ANKRD45: variants seen among roughly 807,000 people sequenced by gnomAD.
ANKRD45 encodes ankyrin repeat domain 45, also known as ankyrin repeat domain-containing protein 45.
Under a neutral mutation model 28.1 loss-of-function variants are expected in ANKRD45, and 21 were observed. The ratio of observed to expected loss-of-function variants is 0.75; its 90% CI spans 0.53 to 1.08. The LOEUF (loss-of-function observed/expected upper bound fraction) is 1.08, where lower values mean the gene tolerates loss of function less well. ANKRD45 is among the 50% of genes least tolerant of loss of function. The pLI, the probability that ANKRD45 is intolerant of heterozygous loss-of-function variation, is 0.00. For missense variants in ANKRD45, 261 were observed against 308.7 expected (o/e 0.85, Z 1.16); for synonymous variants, 86 against 103.9 (o/e 0.83, Z 1.05).
chr1:173,688,682 CTGCCTCTTTCCTCTCTCTCTT>C, the ANKRD45 span, among the ~76,000 whole-genome samples: 1 of 138,110 alleles, frequency 7.2e-6, no homozygotes, highest in Non-Finnish European at 1.5e-5. Flanking sequence ...CTCTCTCTTT[CTGCCTCTTTCCTCTCTCTCTT>C]TCTGCCTCTT....
chr1:173,644,262 G>A (rs1668826401), intron 3 of ANKRD45, among the ~76,000 whole-genome samples: 1 of 152,176 alleles, frequency 6.6e-6, no homozygotes, highest in African/African-American at 2.4e-5. Context: ...TTAAATAGAT[G>A]TTAAATTTTA....
At chr1:173,640,207 C>T in intron 3 of ANKRD45, among the ~76,000 whole-genome samples, 1 of 152,014 alleles carries the variant, frequency 6.6e-6, no homozygotes, top group East Asian at 1.9e-4. Flanking sequence ...GGATCAGTTC[C>T]TGAGCAATTA....
intron 3 of ANKRD45, among the ~76,000 whole-genome samples, chr1:173,629,225 C>T (rs1000565928): frequency 3.3e-5 from 5 of 152,198 alleles, no homozygotes; most frequent in African/African-American, 1.2e-4. Flanking sequence ...AAATACCTAA[C>T]TCTTCAATGC....
chr1:173,646,975 A>G lies in ANKRD45; in HGVS notation c.367T>C (p.Leu123=), dbSNP rs1245364651. ...LLHCAAAWGR[L]ETLKALVELD... is the part of the protein sequence containing the mutation. ...TCTACCAGTGCTTTCAAAGTTTCCA[A>G]ACGACCCCAGGCTGCAGCACAATGT... Residue 123 remains leucine (L), a synonymous_variant, in exon 3 of 6, where the codon TTG becomes CTG. Transcript: ENST00000333279. 1 of 1,613,630 alleles carries G rather than the reference A, an allele frequency of 6.2e-7. No individual in the cohort carries two copies. The highest frequency in any genetic ancestry group is 1.7e-5 in the Admixed American group (1 of 59,986).
chr1:173,675,547 G>C, the ANKRD45 span: 1 of 154,452 alleles, frequency 6.5e-6, no homozygotes, highest in Non-Finnish European at 1.4e-5. Context: ...CCAGGGGGTA[G>C]AGGTTGCTGT....
At chr1:173,698,312 C>G in the ANKRD45 span, among the ~76,000 whole-genome samples, 1 of 152,148 alleles carries the variant, frequency 6.6e-6, no homozygotes, top group South Asian at 2.1e-4. Flanking sequence ...AGCTCTGCAC[C>G]AATCAGACCT....
the ANKRD45 span, among the ~76,000 whole-genome samples, chr1:173,703,420 G>A: frequency 1.3e-5 from 2 of 151,850 alleles, no homozygotes; most frequent in Non-Finnish European, 2.9e-5. Flanking sequence ...TGGCCAGGCT[G>A]GTCTCGAACT....
the ANKRD45 span, among the ~76,000 whole-genome samples, chr1:173,710,880 A>G: frequency 6.6e-6 from 1 of 152,084 alleles, no homozygotes; most frequent in Non-Finnish European, 1.5e-5. Flanking sequence ...TGCCTTGCAC[A>G]TGCCTGGCTA....
At chr1:173,673,332 C>T (rs946265364), upstream of ANKRD45, among the ~76,000 whole-genome samples, 15 of 151,876 alleles carry the variant, frequency 9.9e-5, no homozygotes, top group African/African-American at 1.7e-4. Context: ...AGGCTGGTCT[C>T]GAACTCATGA....
chr1:173,685,732 G>C, the ANKRD45 span, among the ~76,000 whole-genome samples: 1 of 152,010 alleles, frequency 6.6e-6, no homozygotes, highest in Non-Finnish European at 1.5e-5. Context: ...GCAGGGGGTG[G>C]GGGATCAAAT....
intron 3 of ANKRD45, among the ~76,000 whole-genome samples, chr1:173,646,277 A>G (rs894931110): frequency 1.3e-5 from 2 of 152,212 alleles, no homozygotes; most frequent in African/African-American, 2.4e-5. Context: ...CCATGCATAC[A>G]GCTCAATGAA....
chr1:173,638,986 G>T (rs533072557), intron 3 of ANKRD45, among the ~76,000 whole-genome samples: 1 of 152,224 alleles, frequency 6.6e-6, no homozygotes, highest in African/African-American at 2.4e-5. Flanking sequence ...AACATAATAG[G>T]TATTCAGTAA....
the ANKRD45 span, among the ~76,000 whole-genome samples, chr1:173,701,883 AATC>A: frequency 1.3e-5 from 2 of 152,114 alleles, no homozygotes; most frequent in Admixed American, 6.5e-5. Flanking sequence ...GTGACTTAAA[AATC>A]ATCATTTTAT....
intron 2 of ANKRD45, among the ~76,000 whole-genome samples, chr1:173,655,798 G>A (rs2102380125): frequency 6.6e-6 from 1 of 152,316 alleles, no homozygotes; most frequent in East Asian, 1.9e-4. Flanking sequence ...ACCTACTCAA[G>A]CCTCAGCAAT....
intron 5 of ANKRD45, among the ~76,000 whole-genome samples, chr1:173,613,628 G>A (rs546982153): frequency 5.5e-5 from 8 of 144,426 alleles, no homozygotes; most frequent in African/African-American, 1.1e-4. Flanking sequence ...CCGGCCAGCT[G>A]CCCCGTCCGG....
the ANKRD45 span, among the ~76,000 whole-genome samples, chr1:173,712,049 C>A: frequency 6.6e-6 from 1 of 152,098 alleles, no homozygotes; most frequent in Non-Finnish European, 1.5e-5. Context: ...TAGTTTAATT[C>A]ATATTACGGA....
intron 2 of ANKRD45, among the ~76,000 whole-genome samples, chr1:173,648,044 G>A (rs1233199853): frequency 6.6e-6 from 1 of 152,064 alleles, no homozygotes; most frequent in Admixed American, 6.6e-5. Flanking sequence ...CCGGGTTCAA[G>A]CTATTCTGCC....
At chr1:173,637,098 T>A in intron 3 of ANKRD45, 1 of 1,172,544 alleles carries the variant, frequency 8.5e-7, no homozygotes, top group Non-Finnish European at 1.2e-6. Context: ...ATCTATCATC[T>A]AAGGATTAAA....
chr1:173,665,246 C>T (rs1669958059), intron 1 of ANKRD45, among the ~76,000 whole-genome samples: 1 of 152,128 alleles, frequency 6.6e-6, no homozygotes, highest in Admixed American at 6.5e-5. Flanking sequence ...TCAAGCTATC[C>T]TCCTGCCCTG....
Sources: allele counts gnomAD v4.1 joint callset (sites outside exome capture counted in the v4.1 genomes callset), GRCh38; gene constraint gnomAD v4.1.1; transcripts MANE v1.5; gene names NCBI Gene and HGNC (gene_info 2026-07-23, HGNC 2026-07-21).